The following SMYD3 variants were observed in gnomAD, a reference collection of about 807,000 sequenced individuals.
SMYD3 encodes the protein histone-lysine N-methyltransferase SMYD3.
SMYD3 carries 36 observed loss-of-function variants against 57.7 expected under a neutral mutation model. The observed-to-expected ratio is 0.62, with a 90% CI of 0.48 to 0.82. SMYD3 has a LOEUF of 0.82. Among genes scored for constraint, SMYD3 ranks in the 40% least tolerant of loss-of-function variants. SMYD3 has a pLI of 0.00. For missense variants in SMYD3, 515 were observed against 538.8 expected, an observed-to-expected ratio of 0.96 and a Z score of 0.44; for synonymous variants, 211 against 195.0, an observed-to-expected ratio of 1.08 and a Z score of -0.68.
intron 1 of SMYD3, among the ~76,000 whole-genome samples, chr1:246,382,381 G>T (rs2066403086): frequency 6.6e-6 from 1 of 152,034 alleles, no homozygotes; most frequent in African/African-American, 2.4e-5. Flanking sequence ...CAGCACCCAT[G>T]GACCCACGCT....
chr1:246,329,194 G>A (rs1469518325), intron 4 of SMYD3, among the ~76,000 whole-genome samples: 1 of 152,104 alleles, frequency 6.6e-6, no homozygotes, highest in Non-Finnish European at 1.5e-5. Flanking sequence ...ATAGTCCTTT[G>A]GGTATATACC....
At chr1:246,021,754 TTTTG>T (rs557145227) in intron 5 of SMYD3, among the ~76,000 whole-genome samples, 1 of 152,218 alleles carries the variant, frequency 6.6e-6, no homozygotes, top group Non-Finnish European at 1.5e-5. Context: ...ATAGCAAGTT[TTTTG>T]TTTGTATATT....
chr1:246,157,106 A>G (rs1035351448), intron 5 of SMYD3, among the ~76,000 whole-genome samples: 1 of 152,250 alleles, frequency 6.6e-6, no homozygotes, highest in African/African-American at 2.4e-5. Flanking sequence ...ACCAAAGCCA[A>G]TGAGTAGCGA....
At chr1:246,098,292 G>A (rs1462563010) in intron 5 of SMYD3, among the ~76,000 whole-genome samples, 1 of 152,150 alleles carries the variant, frequency 6.6e-6, no homozygotes, top group East Asian at 1.9e-4. Context: ...TTCGGTCCCT[G>A]TCAATCTAAG....
intron 5 of SMYD3, among the ~76,000 whole-genome samples, chr1:246,261,359 CTTTGT>C (rs756138958): frequency 2.8e-5 from 4 of 141,692 alleles, no homozygotes; most frequent in Non-Finnish European, 6.2e-5. Context: ...ACCCAGCTCT[CTTTGT>C]TTTTTTTTTT....
intron 8 of SMYD3, among the ~76,000 whole-genome samples, chr1:245,884,735 C>T (rs1016933314): frequency 2.0e-5 from 3 of 151,044 alleles, no homozygotes; most frequent in African/African-American, 7.3e-5. Flanking sequence ...ATGCACCAAT[C>T]AGCACTCTGT....
At chr1:245,823,302 C>T (rs1048410233) in intron 10 of SMYD3, among the ~76,000 whole-genome samples, 2 of 150,402 alleles carry the variant, frequency 1.3e-5, no homozygotes, top group Admixed American at 6.7e-5. Flanking sequence ...CTTTCTTGCT[C>T]TCTGCCACAC....
At chr1:246,025,714 C>T (rs898053186) in intron 5 of SMYD3, among the ~76,000 whole-genome samples, 2 of 152,076 alleles carry the variant, frequency 1.3e-5, no homozygotes, top group African/African-American at 4.8e-5. Context: ...ATGATCTCTC[C>T]CTTTGTCATC....
intron 1 of SMYD3, among the ~76,000 whole-genome samples, chr1:246,399,732 T>G (rs1030634358): frequency 6.6e-6 from 1 of 152,228 alleles, no homozygotes; most frequent in African/African-American, 2.4e-5. Context: ...AAGGAACTTA[T>G]GTCCTACCAA....
chr1:246,246,733 A>G (rs987530764), intron 5 of SMYD3, among the ~76,000 whole-genome samples: 2 of 151,872 alleles, frequency 1.3e-5, no homozygotes, highest in African/African-American at 2.4e-5. Flanking sequence ...CATTTTACCT[A>G]TGTGGAAACT....
At chr1:245,807,021 G>A (rs1219736345) in intron 10 of SMYD3, among the ~76,000 whole-genome samples, 1 of 151,874 alleles carries the variant, frequency 6.6e-6, no homozygotes, top group Non-Finnish European at 1.5e-5. Context: ...TTGAGGACAG[G>A]GCTGAAGGTG....
rs1312249709 is a variant in SMYD3 at position 246,068,242 on chromosome 1, C to G, written c.532-138305G>C. 2.7e-5 allele frequency among the ~76,000 whole-genome samples: 4 copies of G among 148,314 alleles called. No homozygotes were observed. In the South Asian group the frequency reaches 8.5e-4, roughly 32 times the overall value. Reference sequence around the variant, plus strand: ...TGTGTATATGCCTCGTGTTTAAATTCAGACTGTTAAGTCTAGACACTGGAA... The same window carrying G: ...TGTGTATATGCCTCGTGTTTAAATTGAGACTGTTAAGTCTAGACACTGGAA... On this transcript the variant is annotated intron_variant, in intron 5 of 11. Coordinates refer to ENST00000490107, the MANE Select transcript of SMYD3 (RefSeq NM_001167740.2).
chr1:246,201,844 C>G (rs2062927258), intron 5 of SMYD3, among the ~76,000 whole-genome samples: 1 of 152,044 alleles, frequency 6.6e-6, no homozygotes, highest in African/African-American at 2.4e-5. Context: ...GAAACCCTGT[C>G]TCTACTAAAA....
intron 10 of SMYD3, among the ~76,000 whole-genome samples, chr1:245,821,446 G>A (rs2049155518): frequency 6.7e-6 from 1 of 149,534 alleles, no homozygotes; most frequent in Non-Finnish European, 1.5e-5. Context: ...AAAAACCCTA[G>A]AAGAAAACCT....
intron 5 of SMYD3, among the ~76,000 whole-genome samples, chr1:246,147,752 C>G (rs772494719): frequency 4.6e-5 from 7 of 152,036 alleles, no homozygotes; most frequent in Non-Finnish European, 1.0e-4. Flanking sequence ...CTGCAGCCTC[C>G]CTGCTGCGGC....
intron 1 of SMYD3, among the ~76,000 whole-genome samples, chr1:246,482,452 AT>A (rs59032606): frequency 0.081 from 12,227 of 150,786 alleles, 1,606 homozygotes; most frequent in African/African-American, 0.27. Flanking sequence ...ATTACCCCAG[AT>A]TTTTTTTTTC....
intron 1 of SMYD3, among the ~76,000 whole-genome samples, chr1:246,498,852 G>A (rs548715052): frequency 4.0e-5 from 6 of 151,880 alleles, no homozygotes; most frequent in South Asian, 2.1e-4. Context: ...CCAGTGGCAC[G>A]ATCATGGCTC....
chr1:246,447,791 AT>A (rs2067571023), intron 1 of SMYD3, among the ~76,000 whole-genome samples: 1 of 152,156 alleles, frequency 6.6e-6, no homozygotes, highest in Admixed American at 6.6e-5. Flanking sequence ...CATCACTTGG[AT>A]TACTGAGCTC....
chr1:246,191,134 A>G (rs980851986), intron 5 of SMYD3, among the ~76,000 whole-genome samples: 1 of 152,258 alleles, frequency 6.6e-6, no homozygotes, highest in Non-Finnish European at 1.5e-5. Flanking sequence ...AGGAGTTTCA[A>G]TGTTTTGGTA....
Sources: gnomAD v4.1 joint callset for allele counts (sites outside exome capture counted in the v4.1 genomes callset) on GRCh38, gnomAD v4.1.1 for gene constraint, MANE v1.5 for transcripts, NCBI Gene and HGNC (gene_info 2026-07-23, HGNC 2026-07-21) for gene names.